The following ZBBX variants were observed in gnomAD, a reference collection of about 807,000 sequenced individuals.
ZBBX encodes zinc finger B-box domain-containing protein 1.
In ZBBX, 101 loss-of-function variants were observed where a neutral mutation model predicts 108.5. The observed-to-expected ratio is 0.93, with a 90% confidence interval of 0.79 to 1.10. ZBBX has a LOEUF of 1.10. Among genes scored for constraint, ZBBX ranks in the 50% least tolerant of loss-of-function variants. ZBBX has a pLI of 0.00. For missense variants in ZBBX, 1,009 were observed against 941.4 expected, an observed-to-expected ratio of 1.07 and a Z score of -0.94; for synonymous variants, 356 against 323.4, an observed-to-expected ratio of 1.10 and a Z score of -1.08.
the ZBBX span, among the ~76,000 whole-genome samples, chr3:167,181,330 A>G: frequency 6.6e-6 from 1 of 152,158 alleles, no homozygotes; most frequent in Non-Finnish European, 1.5e-5. Context: ...CCATAAATTT[A>G]TAGGTACAGA....
chr3:167,305,902 T>C lies in ZBBX; in HGVS notation c.1466A>G (p.Tyr489Cys). ...DFDNIVDPDV[Y>C]SSDIEKIEES... ...CTCAATTTTTTCAATGTCAGAAGAA[T>C]ACACATCAGGATCCACGATGTTGTC... Residue 489 changes from tyrosine (Y) to cysteine (C), a missense_variant, in exon 17 of 22, where the codon TAT becomes TGT. Physicochemically the swap from Tyr to Cys is radical, Grantham distance 194 (BLOSUM62 -2). Coordinates refer to ENST00000675490, the MANE Select transcript of ZBBX (RefSeq NM_001199201.2). 1 of 1,604,080 alleles carries C rather than the reference T, an allele frequency of 6.2e-7. No individual in the cohort carries two copies. The highest frequency in any genetic ancestry group is 8.5e-7 in the Non-Finnish European group (1 of 1,176,322).
chr3:167,358,537 C>T (rs1001014062), intron 8 of ZBBX, among the ~76,000 whole-genome samples: 2 of 152,052 alleles, frequency 1.3e-5, no homozygotes, highest in African/African-American at 4.8e-5. Flanking sequence ...ATGTATTTCA[C>T]TATAATTTTT....
At chr3:167,309,534 A>G (rs1181269659) in intron 16 of ZBBX, among the ~76,000 whole-genome samples, 1 of 152,246 alleles carries the variant, frequency 6.6e-6, no homozygotes, top group East Asian at 1.9e-4. Context: ...TGTGACTCAC[A>G]GGCCCAACAC....
chr3:167,327,091 G>C (rs1203577253), intron 11 of ZBBX, among the ~76,000 whole-genome samples: 2 of 150,172 alleles, frequency 1.3e-5, no homozygotes, highest in Non-Finnish European at 3.0e-5. Flanking sequence ...TCAACATACT[G>C]TTCAGTCATC....
intron 6 of ZBBX, among the ~76,000 whole-genome samples, chr3:167,364,660 C>A (rs187421560): frequency 8.5e-4 from 129 of 152,006 alleles, no homozygotes; most frequent in Admixed American, 1.2e-3. Flanking sequence ...GGAAAAGAAG[C>A]GAAACTGTTG....
intron 19 of ZBBX, among the ~76,000 whole-genome samples, chr3:167,283,975 A>C (rs1190190928): frequency 6.6e-6 from 1 of 152,142 alleles, no homozygotes; most frequent in Admixed American, 6.5e-5. Context: ...AAGACTCTCA[A>C]TACAGTATGT....
chr3:167,238,837 A>G (rs547036097), downstream of ZBBX, among the ~76,000 whole-genome samples: 4 of 152,256 alleles, frequency 2.6e-5, no homozygotes, highest in African/African-American at 9.6e-5. Context: ...ATCAAAATCT[A>G]CAACTACTCA....
chr3:167,244,940 A>G (rs1721293902), intron 20 of ZBBX, among the ~76,000 whole-genome samples: 1 of 152,222 alleles, frequency 6.6e-6, no homozygotes, highest in Non-Finnish European at 1.5e-5. Context: ...CATTTAAAAC[A>G]CATACATAAA....
rs145989448 is a variant in ZBBX at position 167,334,744 on chromosome 3, T to C, written c.529-759A>G. Among the ~76,000 whole-genome samples the C allele has an allele frequency of 3.4e-3, 510 of 152,114 alleles. 2 individuals carry two copies. Among genetic ancestry groups the C allele is most frequent in the Middle Eastern group, 6.8e-3 (2 of 294 alleles). On this transcript the variant is annotated intron_variant, in intron 9 of 21. Transcript: ENST00000675490. ...CACCCCCAAATAGATAGATGCGATATTTTGTGCACATCATAAATAAAGAAC... is the reference window on the plus strand; with the variant it reads ...CACCCCCAAATAGATAGATGCGATACTTTGTGCACATCATAAATAAAGAAC...
chr3:167,265,533 G>A (rs1485061556), intron 20 of ZBBX, among the ~76,000 whole-genome samples: 2 of 152,162 alleles, frequency 1.3e-5, no homozygotes, highest in African/African-American at 2.4e-5. Flanking sequence ...GCTATGAGCT[G>A]CATAGCCTGG....
intron 16 of ZBBX, among the ~76,000 whole-genome samples, chr3:167,307,577 G>C (rs1030638286): frequency 6.6e-6 from 1 of 151,990 alleles, no homozygotes; most frequent in Admixed American, 6.6e-5. Flanking sequence ...CTATACTGAA[G>C]AGTTACCAAA....
chr3:167,367,587 T>TAA (rs5854237), intron 5 of ZBBX, among the ~76,000 whole-genome samples: 63 of 145,578 alleles, frequency 4.3e-4, no homozygotes, highest in Middle Eastern at 3.6e-3. Context: ...AACTCATTTG[T>TAA]AAAAAAAAAA....
At chr3:167,314,849 G>A (rs1025927601) in intron 15 of ZBBX, among the ~76,000 whole-genome samples, 2 of 152,104 alleles carry the variant, frequency 1.3e-5, no homozygotes, top group Non-Finnish European at 2.9e-5. Flanking sequence ...AAAGACATGT[G>A]ATAAGATATA....
At chr3:167,179,738 G>C in the ZBBX span, among the ~76,000 whole-genome samples, 1 of 152,340 alleles carries the variant, frequency 6.6e-6, no homozygotes, top group African/African-American at 2.4e-5. Flanking sequence ...GCCAGAATAA[G>C]AAGTTTTACC....
intron 20 of ZBBX, among the ~76,000 whole-genome samples, chr3:167,246,910 T>C (rs6444170): frequency 0.99 from 151,418 of 152,336 alleles, 75,254 homozygotes; most frequent in East Asian, 1. Context: ...CAGATGATAA[T>C]TAGTTCTAGA....
At chr3:167,376,488 T>C (rs1746975928) in intron 2 of ZBBX, among the ~76,000 whole-genome samples, 1 of 152,206 alleles carries the variant, frequency 6.6e-6, no homozygotes. Context: ...TCTGTCTGAT[T>C]ATTAAAATAA....
intron 1 of ZBBX, among the ~76,000 whole-genome samples, chr3:167,406,955 A>C (rs972985285): frequency 6.6e-6 from 1 of 152,202 alleles, no homozygotes; most frequent in Non-Finnish European, 1.5e-5. Context: ...TAGTTCCTGA[A>C]TAGCCTGACT....
intron 1 of ZBBX, among the ~76,000 whole-genome samples, chr3:167,390,667 G>A (rs1748059904): frequency 6.6e-6 from 1 of 151,926 alleles, no homozygotes; most frequent in Non-Finnish European, 1.5e-5. Flanking sequence ...TTATTTCCTT[G>A]AGCAGTGGTT....
intron 18 of ZBBX, among the ~76,000 whole-genome samples, chr3:167,294,297 A>G (rs1439959328): frequency 6.6e-6 from 1 of 152,204 alleles, no homozygotes; most frequent in Non-Finnish European, 1.5e-5. Context: ...TTTAAAGTAT[A>G]CTACAAGGCT....
Sources: allele counts gnomAD v4.1 joint callset (sites outside exome capture counted in the v4.1 genomes callset), GRCh38; gene constraint gnomAD v4.1.1; transcripts MANE v1.5; gene names NCBI Gene and HGNC (gene_info 2026-07-23, HGNC 2026-07-21).